Variants in NKAIN3 observed in about 807,000 individuals in gnomAD.
NKAIN3 encodes sodium/potassium-transporting ATPase subunit beta-1-interacting protein 3.
NKAIN3 carries 25 observed loss-of-function variants against 30.2 expected under a neutral mutation model. The ratio of observed to expected loss-of-function variants is 0.83; its 90% confidence interval spans 0.60 to 1.16. The LOEUF (loss-of-function observed/expected upper bound fraction) is 1.16. Among genes scored for constraint, NKAIN3 ranks in the 50% most tolerant of loss-of-function variants. The pLI is 0.00. For synonymous variants in NKAIN3, 91 were observed against 89.6 expected (o/e 1.02, Z -0.09); for missense variants, 225 against 254.1 (o/e 0.89, Z 0.78).
intron 3 of NKAIN3, among the ~76,000 whole-genome samples, chr8:62,734,328 T>TA (rs1322269772): frequency 2.0e-5 from 3 of 152,220 alleles, no homozygotes; most frequent in African/African-American, 7.2e-5. Context: ...TTCTAAAATC[T>TA]AAAGTTGCTG....
intron 1 of NKAIN3, among the ~76,000 whole-genome samples, chr8:62,423,432 T>G (rs1804709188): frequency 6.7e-6 from 1 of 149,292 alleles, no homozygotes; most frequent in Non-Finnish European, 1.5e-5. Context: ...ATATTATATA[T>G]ATATATATTA....
intron 3 of NKAIN3, among the ~76,000 whole-genome samples, chr8:62,668,303 A>T (rs997594110): frequency 3.9e-5 from 6 of 152,180 alleles, no homozygotes; most frequent in Admixed American, 1.3e-4. Context: ...GCCTAACATC[A>T]GTTCTGTACT....
At chr8:62,710,796 T>G (rs1230757623) in intron 3 of NKAIN3, among the ~76,000 whole-genome samples, 1 of 152,026 alleles carries the variant, frequency 6.6e-6, no homozygotes, top group African/African-American at 2.4e-5. Flanking sequence ...TTTTTCTTTT[T>G]TGTTTTTGTT....
chr8:62,701,382 C>T (rs530633383), intron 3 of NKAIN3, among the ~76,000 whole-genome samples: 10 of 152,258 alleles, frequency 6.6e-5, no homozygotes, highest in South Asian at 6.2e-4. Flanking sequence ...CGCTTTGTAA[C>T]TCTCAATTAG....
intron 4 of NKAIN3, chr8:62,863,172 C>T: frequency 2.0e-6 from 3 of 1,527,782 alleles, no homozygotes; most frequent in Non-Finnish European, 2.7e-6. Flanking sequence ...CGGCTTCTTG[C>T]TCCAATTCTT....
intron 1 of NKAIN3, among the ~76,000 whole-genome samples, chr8:62,393,190 G>C (rs958598814): frequency 1.3e-5 from 2 of 151,994 alleles, no homozygotes; most frequent in South Asian, 4.1e-4. Context: ...TGAGGAAATT[G>C]ATAAAGATTT....
At chr8:62,591,282 AG>A (rs536205006) in intron 3 of NKAIN3, among the ~76,000 whole-genome samples, 44 of 151,904 alleles carry the variant, frequency 2.9e-4, no homozygotes, top group Non-Finnish European at 4.9e-4. Context: ...TTGAATCATA[AG>A]TCTTGAGTCC....
intron 1 of NKAIN3, among the ~76,000 whole-genome samples, chr8:62,463,389 T>TAG (rs1469114937): frequency 1.3e-5 from 2 of 152,166 alleles, no homozygotes; most frequent in Non-Finnish European, 2.9e-5. Flanking sequence ...ACAAAATCCC[T>TAG]AGTATGTTCT....
chr8:62,309,641 G>A (rs1353894128), intron 1 of NKAIN3, among the ~76,000 whole-genome samples: 1 of 150,076 alleles, frequency 6.7e-6, no homozygotes, highest in East Asian at 1.9e-4. Flanking sequence ...TTCAGCTGTG[G>A]GATTTCAGAC....
At chr8:62,698,001 C>G (rs934529006) in intron 3 of NKAIN3, among the ~76,000 whole-genome samples, 2 of 151,870 alleles carry the variant, frequency 1.3e-5, no homozygotes, top group Non-Finnish European at 2.9e-5. Flanking sequence ...TTTTGTTAAC[C>G]TTTTTAAATA....
At chr8:62,327,638 A>G (rs528873131) in intron 1 of NKAIN3, among the ~76,000 whole-genome samples, 1 of 152,098 alleles carries the variant, frequency 6.6e-6, no homozygotes, top group Non-Finnish European at 1.5e-5. Context: ...GAAAAATTCC[A>G]TTGATCTTTA....
At chr8:62,636,823 TATA>T (rs1195655787) in intron 3 of NKAIN3, among the ~76,000 whole-genome samples, 1 of 152,220 alleles carries the variant, frequency 6.6e-6, no homozygotes, top group South Asian at 2.1e-4. Context: ...GTTCATACTG[TATA>T]ATAATAGTAA....
chr8:62,937,102 T>G (rs1457005138), intron 5 of NKAIN3, among the ~76,000 whole-genome samples: 3 of 151,414 alleles, frequency 2.0e-5, no homozygotes, highest in African/African-American at 4.9e-5. Context: ...CATATGTGTA[T>G]TCAGTTGACC....
At chr8:62,433,374 G>T (rs1010053743) in intron 1 of NKAIN3, among the ~76,000 whole-genome samples, 1 of 151,920 alleles carries the variant, frequency 6.6e-6, no homozygotes, top group Non-Finnish European at 1.5e-5. Flanking sequence ...GCAAATGACA[G>T]GTAGTTACAG....
At chr8:62,935,389 T>A (rs953977079) in intron 5 of NKAIN3, among the ~76,000 whole-genome samples, 1 of 152,170 alleles carries the variant, frequency 6.6e-6, no homozygotes. Flanking sequence ...GCTTTCTGTG[T>A]GCTGGCACTC....
intron 4 of NKAIN3, among the ~76,000 whole-genome samples, chr8:62,879,546 T>C (rs1409401245): frequency 2.0e-5 from 3 of 152,200 alleles, no homozygotes; most frequent in African/African-American, 7.2e-5. Context: ...GTTATACTGT[T>C]GTGTTTTTGT....
chr8:62,526,334 T>C (rs1189206009), intron 1 of NKAIN3, among the ~76,000 whole-genome samples: 1 of 152,106 alleles, frequency 6.6e-6, no homozygotes, highest in Non-Finnish European at 1.5e-5. Context: ...CAGTACCTTC[T>C]AACTTAGAAA....
intron 1 of NKAIN3, among the ~76,000 whole-genome samples, chr8:62,322,849 G>A (rs1180676390): frequency 6.6e-6 from 1 of 152,084 alleles, no homozygotes; most frequent in Non-Finnish European, 1.5e-5. Context: ...CTCAACAATG[G>A]GAAAAAGATG....
chr8:62,299,467 C>A (rs76161495), intron 1 of NKAIN3, among the ~76,000 whole-genome samples: 2,533 of 152,078 alleles, frequency 0.017, 63 homozygotes, highest in African/African-American at 0.055. Context: ...ACTCCCAGGG[C>A]GACCAAGAGG....
Sources: allele counts gnomAD v4.1 joint callset (sites outside exome capture counted in the v4.1 genomes callset), GRCh38; gene constraint gnomAD v4.1.1; transcripts MANE v1.5; gene names NCBI Gene and HGNC (gene_info 2026-07-23, HGNC 2026-07-21).